LRBA: variants seen among roughly 807,000 people sequenced by gnomAD.
LRBA encodes the protein LPS responsive beige-like anchor protein, also known as lipopolysaccharide-responsive and beige-like anchor protein.
In LRBA, 176 loss-of-function variants were observed where a neutral mutation model predicts 330.0. The observed-to-expected ratio is 0.53, with a 90% CI of 0.47 to 0.60. The LOEUF is 0.60. Ranked by LOEUF, LRBA falls within the 20% of genes least tolerant of loss-of-function variation. The pLI is 0.00. For missense variants in LRBA, 3,259 were observed against 3,444.8 expected, an observed-to-expected ratio of 0.95 and a Z score of 1.35; for synonymous variants, 1,230 against 1,193.0, an observed-to-expected ratio of 1.03 and a Z score of -0.64.
chr4:150,946,965 T>C (rs1225204979), intron 2 of LRBA, among the ~76,000 whole-genome samples: 1 of 150,668 alleles, frequency 6.6e-6, no homozygotes, highest in East Asian at 1.9e-4. Flanking sequence ...AAACATATAA[T>C]GTGACAACTT....
chr4:150,677,712 G>A (rs552821463), intron 37 of LRBA, among the ~76,000 whole-genome samples: 52 of 151,924 alleles, frequency 3.4e-4, no homozygotes, highest in African/African-American at 1.1e-3. Flanking sequence ...GCTGAAGTGG[G>A]AGGATTACTT....
chr4:150,438,977 CAA>C (rs1349506795), intron 44 of LRBA, among the ~76,000 whole-genome samples: 5 of 151,998 alleles, frequency 3.3e-5, no homozygotes, highest in African/African-American at 1.2e-4. Flanking sequence ...AGTTTCTGTA[CAA>C]AAGAATCATA....
intron 48 of LRBA, among the ~76,000 whole-genome samples, chr4:150,338,955 CTATT>C (rs1346268457): frequency 9.0e-5 from 9 of 99,496 alleles, no homozygotes; most frequent in Non-Finnish European, 1.4e-4. Context: ...CTTTGTATAA[CTATT>C]TAATTATACA....
intron 56 of LRBA, among the ~76,000 whole-genome samples, chr4:150,266,364 G>A (rs1745337225): frequency 6.6e-6 from 1 of 152,178 alleles, no homozygotes; most frequent in Admixed American, 6.5e-5. Flanking sequence ...TCATGCTCTG[G>A]GTGAGGACCT....
intron 56 of LRBA, among the ~76,000 whole-genome samples, chr4:150,273,368 T>TAAAC (rs1449398440): frequency 6.6e-6 from 1 of 152,126 alleles, no homozygotes; most frequent in African/African-American, 2.4e-5. Flanking sequence ...TACCAAATTG[T>TAAAC]AAACACCATC....
intron 37 of LRBA, among the ~76,000 whole-genome samples, chr4:150,675,095 G>T (rs1782417402): frequency 6.6e-6 from 1 of 152,044 alleles, no homozygotes; most frequent in South Asian, 2.1e-4. Context: ...GAGCCTCAGG[G>T]AGGCTGAGTT....
chr4:150,346,337 A>C (rs1308571688), intron 48 of LRBA, among the ~76,000 whole-genome samples: 1 of 152,024 alleles, frequency 6.6e-6, no homozygotes, highest in Non-Finnish European at 1.5e-5. Context: ...TGATGTGTGG[A>C]AGACTATCAG....
intron 35 of LRBA, among the ~76,000 whole-genome samples, chr4:150,736,268 T>C (rs1320984684): frequency 2.0e-5 from 3 of 152,146 alleles, no homozygotes; most frequent in African/African-American, 7.2e-5. Context: ...CCCTTGCCAT[T>C]TTAAAATACA....
chr4:150,831,827 T>A lies in LRBA; in HGVS notation c.4719A>T (p.Val1573=), dbSNP rs765621052. 6.3e-7 allele frequency: 1 copy of A among 1,596,040 alleles called. No individual in the cohort carries two copies. The change falls in exon 29 of 57, where the codon GTA becomes GTT. Residue 1573 remains valine (V), a synonymous_variant. Transcript: ENST00000651943. The part of the protein sequence containing the change: ...CTETGSENEN[V]SLSEITPAAF... The stretch of plus-strand genomic sequence containing the variant: ...AAAATGCAAACTTACCAGAGAGTGA[T>A]ACATTCTCATTTTCACTGCCAGTTT...
At chr4:150,533,267 A>C (rs574505494) in intron 40 of LRBA, among the ~76,000 whole-genome samples, 2 of 152,066 alleles carry the variant, frequency 1.3e-5, no homozygotes, top group Non-Finnish European at 2.9e-5. Context: ...CACAGCCTCA[A>C]CTTCCTGGGC....
intron 56 of LRBA, among the ~76,000 whole-genome samples, chr4:150,271,727 T>C (rs1746128982): frequency 6.6e-6 from 1 of 152,152 alleles, no homozygotes. Flanking sequence ...CCTCACGGTG[T>C]AAACAAAGCC....
At chr4:150,549,013 A>G (rs1485463765) in intron 40 of LRBA, among the ~76,000 whole-genome samples, 1 of 152,184 alleles carries the variant, frequency 6.6e-6, no homozygotes, top group East Asian at 1.9e-4. Context: ...ATGTGCCTAA[A>G]TTATCAAAAT....
chr4:150,304,454 A>T (rs1730094323), intron 52 of LRBA, among the ~76,000 whole-genome samples: 1 of 152,060 alleles, frequency 6.6e-6, no homozygotes, highest in South Asian at 2.1e-4. Flanking sequence ...TAATAAATTT[A>T]AAATCAGATT....
At chr4:150,338,021 T>A (rs897631017) in intron 48 of LRBA, among the ~76,000 whole-genome samples, 1 of 152,178 alleles carries the variant, frequency 6.6e-6, no homozygotes. Context: ...GATTTGCTAC[T>A]GCTGTCATGA....
At chr4:150,678,638 T>C (rs1261077932) in intron 37 of LRBA, among the ~76,000 whole-genome samples, 1 of 152,156 alleles carries the variant, frequency 6.6e-6, no homozygotes, top group Non-Finnish European at 1.5e-5. Context: ...CTCCTTCTTA[T>C]GAAAGGGGAA....
At chr4:150,764,377 A>G (rs1304624606) in intron 34 of LRBA, among the ~76,000 whole-genome samples, 1 of 152,038 alleles carries the variant, frequency 6.6e-6, no homozygotes, top group Non-Finnish European at 1.5e-5. Context: ...TGTTGATGAC[A>G]TAATCATCTA....
At chr4:150,853,854 G>A (rs1287373231) in intron 22 of LRBA, among the ~76,000 whole-genome samples, 1 of 152,032 alleles carries the variant, frequency 6.6e-6, no homozygotes, top group Non-Finnish European at 1.5e-5. Flanking sequence ...GAAAGTATTA[G>A]CCTAATTATA....
At chr4:150,764,162 AAAG>A (rs956360479) in intron 34 of LRBA, among the ~76,000 whole-genome samples, 3 of 152,008 alleles carry the variant, frequency 2.0e-5, no homozygotes, top group African/African-American at 7.2e-5. Context: ...TGCTAGAAAA[AAAG>A]AAGTCAGTAA....
intron 37 of LRBA, among the ~76,000 whole-genome samples, chr4:150,639,817 G>GTATATA (rs1561457992): frequency 3.7e-4 from 2 of 5,368 alleles, no homozygotes; most frequent in South Asian, 9.6e-3. Context: ...GTGTGTGTGT[G>GTATATA]TGTATATATA....
Sources: gnomAD v4.1 joint callset for allele counts (sites outside exome capture counted in the v4.1 genomes callset) on GRCh38, gnomAD v4.1.1 for gene constraint, MANE v1.5 for transcripts, NCBI Gene and HGNC (gene_info 2026-07-23, HGNC 2026-07-21) for gene names.